Variants in PTPRD observed in about 807,000 individuals in gnomAD.
The protein encoded by PTPRD is protein tyrosine phosphatase receptor type D.
PTPRD carries 34 observed loss-of-function variants against 214.5 expected under a neutral mutation model. The observed-to-expected ratio is 0.16, with a 90% CI of 0.12 to 0.21. PTPRD has a LOEUF of 0.21. Ranked by LOEUF, PTPRD falls within the 10% of genes least tolerant of loss-of-function variation. The pLI is 1.00. For missense variants in PTPRD, 2,545 were observed against 2,398.7 expected (o/e 1.06, Z -1.27); for synonymous variants, 1,128 against 845.7 (o/e 1.33, Z -5.79).
chr9:10,482,233 T>A (rs548668883), intron 2 of PTPRD, among the ~76,000 whole-genome samples: 6 of 151,522 alleles, frequency 4.0e-5, no homozygotes, highest in South Asian at 4.2e-4. Context: ...TAGCCGGGCG[T>A]GGTGGCGGGT....
At chr9:9,985,468 A>T (rs1436035763) in intron 4 of PTPRD, among the ~76,000 whole-genome samples, 1 of 152,182 alleles carries the variant, frequency 6.6e-6, no homozygotes, top group Non-Finnish European at 1.5e-5. Context: ...GCCATGCCAT[A>T]TAATCTTTGG....
intron 8 of PTPRD, among the ~76,000 whole-genome samples, chr9:9,524,007 G>A (rs1590686848): frequency 6.6e-6 from 1 of 152,244 alleles, no homozygotes; most frequent in East Asian, 1.9e-4. Context: ...ATCATTCATG[G>A]ATGGACAAAT....
At chr9:10,211,205 T>C (rs2099515363) in intron 3 of PTPRD, among the ~76,000 whole-genome samples, 2 of 151,992 alleles carry the variant, frequency 1.3e-5, no homozygotes, top group African/African-American at 4.8e-5. Flanking sequence ...GTGGACGAAA[T>C]AGAAGTTCAT....
chr9:10,143,166 C>G (rs1267298523), intron 3 of PTPRD, among the ~76,000 whole-genome samples: 4 of 151,956 alleles, frequency 2.6e-5, no homozygotes, highest in Non-Finnish European at 5.9e-5. Flanking sequence ...GGAGATATAC[C>G]TAATGCTAGA....
intron 35 of PTPRD, among the ~76,000 whole-genome samples, chr9:8,415,556 A>T (rs772295418): frequency 5.7e-5 from 7 of 123,802 alleles, no homozygotes; most frequent in Non-Finnish European, 1.0e-4. Flanking sequence ...ATGCTTTGGA[A>T]GTAAAACCAT....
chr9:9,750,074 T>C (rs2476584), intron 6 of PTPRD, among the ~76,000 whole-genome samples: 80,782 of 152,084 alleles, frequency 0.53, 24,599 homozygotes, highest in African/African-American at 0.82. Flanking sequence ...ATATGATTAA[T>C]GTAAAGCAGT....
intron 5 of PTPRD, among the ~76,000 whole-genome samples, chr9:9,847,941 C>A (rs545298749): frequency 6.6e-6 from 1 of 152,224 alleles, no homozygotes; most frequent in East Asian, 1.9e-4. Context: ...CCTGCTAGAA[C>A]AGCCCCCAGC....
At chr9:8,808,462 C>CTTTTT (rs34627797) in intron 11 of PTPRD, among the ~76,000 whole-genome samples, 2 of 98,814 alleles carry the variant, frequency 2.0e-5, no homozygotes, top group Admixed American at 1.2e-4. Flanking sequence ...AGCCCCCCAC[C>CTTTTT]TTTTTTTTTT....
chr9:10,187,456 A>C (rs294853), intron 3 of PTPRD, among the ~76,000 whole-genome samples: 2 of 151,972 alleles, frequency 1.3e-5, no homozygotes, highest in East Asian at 1.9e-4. Flanking sequence ...TTTACTTTAC[A>C]GTTTGCTGGA....
intron 3 of PTPRD, among the ~76,000 whole-genome samples, chr9:10,162,149 G>GA (rs1161426146): frequency 1.3e-5 from 2 of 151,452 alleles, no homozygotes; most frequent in African/African-American, 2.4e-5. Context: ...CTCAATAAAT[G>GA]AAAAAATCAC....
chr9:8,968,251 A>G (rs898069577), intron 11 of PTPRD, among the ~76,000 whole-genome samples: 3 of 152,002 alleles, frequency 2.0e-5, no homozygotes, highest in African/African-American at 7.2e-5. Context: ...ATGATTTATA[A>G]TCCTTTGGGT....
chr9:9,663,820 G>C (rs1263013866), intron 7 of PTPRD, among the ~76,000 whole-genome samples: 2 of 151,502 alleles, frequency 1.3e-5, no homozygotes, highest in African/African-American at 4.8e-5. Context: ...AGCTGTAACA[G>C]TTGATTAATT....
intron 3 of PTPRD, among the ~76,000 whole-genome samples, chr9:10,300,398 G>A (rs1160492276): frequency 6.6e-6 from 1 of 152,170 alleles, no homozygotes; most frequent in African/African-American, 2.4e-5. Context: ...CACCTGGAAT[G>A]CCAGCAAGAC....
intron 3 of PTPRD, among the ~76,000 whole-genome samples, chr9:10,123,029 C>T (rs1029941611): frequency 2.0e-5 from 3 of 152,210 alleles, no homozygotes; most frequent in Admixed American, 1.3e-4. Context: ...TCTGCATGTT[C>T]CCTGAATCCC....
chr9:9,145,461 T>A (rs1592375946), intron 10 of PTPRD, among the ~76,000 whole-genome samples: 1 of 30,474 alleles, frequency 3.3e-5, no homozygotes, highest in South Asian at 7.0e-4. Flanking sequence ...TATGAGATTC[T>A]TTTTTTATTA....
intron 4 of PTPRD, among the ~76,000 whole-genome samples, chr9:10,012,223 G>C (rs960414743): frequency 1.1e-4 from 16 of 151,798 alleles, no homozygotes; most frequent in African/African-American, 3.9e-4. Context: ...GAATATTAAA[G>C]GGATAATCAT....
intron 3 of PTPRD, among the ~76,000 whole-genome samples, chr9:10,240,035 C>T (rs543919356): frequency 5.9e-5 from 9 of 152,086 alleles, no homozygotes; most frequent in African/African-American, 2.2e-4. Context: ...GGAAAAGTGT[C>T]GCACAGAGGG....
intron 10 of PTPRD, among the ~76,000 whole-genome samples, chr9:9,109,174 T>C (rs1043520561): frequency 3.3e-5 from 5 of 152,180 alleles, no homozygotes; most frequent in African/African-American, 1.2e-4. Context: ...TGGATTAGGA[T>C]CTTGAGAGCT....
intron 6 of PTPRD, among the ~76,000 whole-genome samples, chr9:9,759,396 G>A (rs1164375060): frequency 6.6e-6 from 1 of 152,146 alleles, no homozygotes; most frequent in East Asian, 1.9e-4. Context: ...AAGTGTTAAT[G>A]CTAGTACAGC....
Sources: gnomAD v4.1 joint callset for allele counts (sites outside exome capture counted in the v4.1 genomes callset) on GRCh38, gnomAD v4.1.1 for gene constraint, MANE v1.5 for transcripts, NCBI Gene and HGNC (gene_info 2026-07-23, HGNC 2026-07-21) for gene names.